The following NCAM2 variants were observed in gnomAD, a reference collection of about 807,000 sequenced individuals.
NCAM2 encodes the protein N-CAM-2.
In NCAM2, 30 loss-of-function variants were observed where a neutral mutation model predicts 98.1. The observed-to-expected ratio is 0.31, with a 90% confidence interval of 0.23 to 0.41. NCAM2 has a LOEUF of 0.41. NCAM2 is among the 10% of genes least tolerant of loss of function. The pLI, the probability that NCAM2 is intolerant of heterozygous loss-of-function variation, is 1.00. For synonymous variants in NCAM2, 368 were observed against 342.4 expected (o/e 1.07, Z -0.83); for missense variants, 867 against 1,005.8 (o/e 0.86, Z 1.87).
intron 1 of NCAM2, among the ~76,000 whole-genome samples, chr21:21,189,672 C>A (rs916402542): frequency 6.6e-6 from 1 of 152,078 alleles, no homozygotes; most frequent in East Asian, 1.9e-4. Flanking sequence ...GATCTGAAAC[C>A]TGATTATTTT....
At chr21:21,379,231 T>C (rs2076097273) in intron 9 of NCAM2, among the ~76,000 whole-genome samples, 1 of 152,112 alleles carries the variant, frequency 6.6e-6, no homozygotes, top group Non-Finnish European at 1.5e-5. Flanking sequence ...TGTTAATTCA[T>C]ATTTTCTATA....
chr21:21,180,482 G>C (rs2068434221), intron 1 of NCAM2, among the ~76,000 whole-genome samples: 1 of 151,994 alleles, frequency 6.6e-6, no homozygotes, highest in South Asian at 2.1e-4. Flanking sequence ...AATTTGTTGA[G>C]TTTGTGAGAT....
intron 1 of NCAM2, among the ~76,000 whole-genome samples, chr21:21,244,753 A>C (rs1334429395): frequency 6.7e-6 from 1 of 149,086 alleles, no homozygotes. Context: ...AGTCTGAGGC[A>C]GGAGAATCAC....
At chr21:21,024,140 G>A (rs1275664276) in intron 1 of NCAM2, among the ~76,000 whole-genome samples, 2 of 152,208 alleles carry the variant, frequency 1.3e-5, no homozygotes, top group South Asian at 2.1e-4. Context: ...GTCAGCCTGC[G>A]AATGCTATTT....
chr21:21,468,833 T>C (rs757782274), intron 14 of NCAM2, 50 bp downstream of exon 14: 1 of 1,525,746 alleles, frequency 6.6e-7, no homozygotes, highest in African/African-American at 1.4e-5. Context: ...TCAAATTAAA[T>C]TGAGTTGCAC....
intron 1 of NCAM2, among the ~76,000 whole-genome samples, chr21:21,218,626 G>C (rs2070007623): frequency 1.3e-5 from 2 of 152,252 alleles, no homozygotes; most frequent in Admixed American, 6.5e-5. Flanking sequence ...TGGAAGAAAG[G>C]CAGAGATTTG....
chr21:21,220,093 G>A (rs1047405493), intron 1 of NCAM2, among the ~76,000 whole-genome samples: 1 of 151,976 alleles, frequency 6.6e-6, no homozygotes, highest in South Asian at 2.1e-4. Flanking sequence ...AAAAAAAGTT[G>A]CAGTAAGCTA....
chr21:20,998,463 C>A lies in NCAM2; in HGVS notation c.-101C>A. ...GGCGGCTGGGGCACCGCGGGAGCGG[C>A]GGCGGCGGCTCTAGCAGAGGCGGCC... On this transcript the variant is annotated 5_prime_UTR_variant, in exon 1 of 18. Transcript: ENST00000400546. 9.4e-6 allele frequency: 11 copies of A among 1,172,518 alleles called. No individual in the cohort carries two copies. The highest frequency in any genetic ancestry group is 1.3e-5 in the Non-Finnish European group (11 of 839,854). The allele number at this position is 1,172,518 out of a possible 1,614,324, so 72.6% of individuals were successfully genotyped here.
chr21:21,288,837 A>C (rs1022391334), intron 4 of NCAM2, among the ~76,000 whole-genome samples: 1 of 151,982 alleles, frequency 6.6e-6, no homozygotes, highest in African/African-American at 2.4e-5. Context: ...CAGAGGAAAT[A>C]ATGAAAGCTT....
chr21:21,250,485 A>G (rs1244621684), intron 1 of NCAM2, among the ~76,000 whole-genome samples: 2 of 152,214 alleles, frequency 1.3e-5, no homozygotes, highest in Non-Finnish European at 1.5e-5. Flanking sequence ...TTTTCTAACA[A>G]TAAGCAAAGA....
At chr21:21,530,621 A>G (rs879280493) in intron 16 of NCAM2, among the ~76,000 whole-genome samples, 5 of 151,674 alleles carry the variant, frequency 3.3e-5, no homozygotes, top group Non-Finnish European at 5.9e-5. Flanking sequence ...TAGCAAATTT[A>G]TGTCACATAG....
intron 1 of NCAM2, among the ~76,000 whole-genome samples, chr21:21,098,589 G>A (rs1352057468): frequency 1.3e-5 from 2 of 151,658 alleles, no homozygotes; most frequent in Admixed American, 6.6e-5. Context: ...CTATTAGGGA[G>A]GTATTATCCC....
intron 1 of NCAM2, among the ~76,000 whole-genome samples, chr21:21,139,788 G>T (rs1159877426): frequency 2.2e-4 from 2 of 9,092 alleles, no homozygotes; most frequent in Non-Finnish European, 3.0e-3. Flanking sequence ...ATCAATGTAT[G>T]AATAGTTCTA....
intron 6 of NCAM2, among the ~76,000 whole-genome samples, chr21:21,329,561 G>A (rs575016545): frequency 1.5e-4 from 23 of 152,190 alleles, no homozygotes; most frequent in African/African-American, 5.5e-4. Flanking sequence ...ATGCATGGCT[G>A]GAATCAATGT....
chr21:21,156,852 C>T (rs1425935378), intron 1 of NCAM2, among the ~76,000 whole-genome samples: 1 of 151,988 alleles, frequency 6.6e-6, no homozygotes, highest in Non-Finnish European at 1.5e-5. Context: ...AAATATGATC[C>T]AGGCTTGACT....
chr21:21,164,931 A>C (rs1182789421), intron 1 of NCAM2, among the ~76,000 whole-genome samples: 1 of 152,330 alleles, frequency 6.6e-6, no homozygotes, highest in South Asian at 2.1e-4. Context: ...TAAGGTAACT[A>C]TAACTACAAA....
chr21:21,353,502 G>A (rs530142712), intron 8 of NCAM2, among the ~76,000 whole-genome samples: 4 of 152,062 alleles, frequency 2.6e-5, no homozygotes, highest in South Asian at 2.1e-4. Context: ...GCCTTCAATC[G>A]CCATCCATAC....
chr21:21,317,032 C>T (rs1240419839), intron 5 of NCAM2, among the ~76,000 whole-genome samples: 1 of 152,130 alleles, frequency 6.6e-6, no homozygotes, highest in East Asian at 1.9e-4. Context: ...CTGCACCTAA[C>T]TTCTGCTAGC....
intron 5 of NCAM2, among the ~76,000 whole-genome samples, chr21:21,312,290 G>A (rs1053041991): frequency 4.0e-5 from 6 of 150,682 alleles, no homozygotes; most frequent in Non-Finnish European, 7.4e-5. Flanking sequence ...CTGTTAAGTT[G>A]GATAAATTAA....
Sources: gnomAD v4.1 joint callset for allele counts (sites outside exome capture counted in the v4.1 genomes callset) on GRCh38, gnomAD v4.1.1 for gene constraint, MANE v1.5 for transcripts, NCBI Gene and HGNC (gene_info 2026-07-23, HGNC 2026-07-21) for gene names.